Variants in INPP5A observed in about 807,000 individuals in gnomAD.
INPP5A encodes 43 kDa inositol polyphosphate 5-phophatase.
Under a neutral mutation model 65.2 loss-of-function variants are expected in INPP5A, and 14 were observed. That is an observed-to-expected ratio of 0.21 (90% CI 0.14 to 0.34). The LOEUF is 0.34. INPP5A is among the 10% of genes least tolerant of loss of function. The pLI is 1.00. For synonymous variants in INPP5A, 207 were observed against 208.3 expected, an observed-to-expected ratio of 0.99 and a Z score of 0.05; for missense variants, 431 against 545.6, an observed-to-expected ratio of 0.79 and a Z score of 2.09.
chr10:132,715,412 G>A (rs1424886588), intron 8 of INPP5A, among the ~76,000 whole-genome samples: 1 of 152,194 alleles, frequency 6.6e-6, no homozygotes, highest in African/African-American at 2.4e-5. Context: ...TAACTTTTAT[G>A]TCCAGTCAAA....
intron 4 of INPP5A, among the ~76,000 whole-genome samples, chr10:132,681,841 G>T (rs750709441): frequency 2.0e-5 from 3 of 152,202 alleles, no homozygotes; most frequent in Non-Finnish European, 4.4e-5. Context: ...CAGTACCATG[G>T]AATATGACCC....
intron 1 of INPP5A, among the ~76,000 whole-genome samples, chr10:132,595,704 C>A (rs1244847292): frequency 6.6e-6 from 1 of 152,188 alleles, no homozygotes; most frequent in Non-Finnish European, 1.5e-5. Context: ...TCTTTCCTTC[C>A]GTGGACGCCC....
In INPP5A at chr10:132,555,772, A is replaced by T. The variant is rs1319243054; in HGVS notation, c.75+17601A>T. Among the ~76,000 whole-genome samples, 5 of 152,192 alleles carry T rather than the reference A, an allele frequency of 3.3e-5. No homozygotes were observed. On this transcript the variant is annotated intron_variant, in intron 1 of 15. Transcript: ENST00000368594. This position sits in a 1 kb window ranked among gnomAD's most constrained non-coding sequence, Gnocchi z 4.4. ...ACTGACACACCTTGTCACACTCTGC[A>T]GGGTGTTTTGTTGCCCTCAGCACGT... is the stretch of plus-strand genomic sequence containing the variant.
chr10:132,579,194 C>T (rs1208283700), intron 1 of INPP5A, among the ~76,000 whole-genome samples: 7 of 129,230 alleles, frequency 5.4e-5, no homozygotes, highest in South Asian at 2.5e-4. Context: ...TAGCTGGAGG[C>T]GGGGGAAGGA....
intron 1 of INPP5A, among the ~76,000 whole-genome samples, chr10:132,543,982 T>C (rs1374388167): frequency 6.6e-6 from 1 of 152,216 alleles, no homozygotes; most frequent in Non-Finnish European, 1.5e-5. Flanking sequence ...TGCTGTTGGG[T>C]GTGCATAGTC....
At chr10:132,735,865 C>T (rs781725484) in intron 9 of INPP5A, among the ~76,000 whole-genome samples, 1 of 152,194 alleles carries the variant, frequency 6.6e-6, no homozygotes, top group Non-Finnish European at 1.5e-5. Flanking sequence ...TCTCAGACCC[C>T]GAGGTGGAGA....
chr10:132,597,167 G>T (rs535358500), intron 1 of INPP5A, among the ~76,000 whole-genome samples: 1 of 152,330 alleles, frequency 6.6e-6, no homozygotes, highest in East Asian at 1.9e-4. Context: ...GTGTGTGTGC[G>T]CATGTGTGCG....
At chr10:132,588,828 T>C (rs1391402806) in intron 1 of INPP5A, among the ~76,000 whole-genome samples, 1 of 152,134 alleles carries the variant, frequency 6.6e-6, no homozygotes, top group East Asian at 1.9e-4. Context: ...CCATCAGTGG[T>C]CACTGTTTCT....
chr10:132,611,031 G>A (rs895920395), intron 2 of INPP5A, among the ~76,000 whole-genome samples: 2 of 150,966 alleles, frequency 1.3e-5, no homozygotes, highest in South Asian at 2.1e-4. Context: ...GCAGAGGAGA[G>A]GCCCTGTCAG....
intron 1 of INPP5A, among the ~76,000 whole-genome samples, chr10:132,586,876 G>T (rs779497489): frequency 6.6e-6 from 1 of 152,206 alleles, no homozygotes; most frequent in Non-Finnish European, 1.5e-5. Flanking sequence ...AGAAGGCGGC[G>T]CAGCGCGGCG....
In INPP5A at chr10:132,553,870, G is replaced by A. The variant is rs558518697; in HGVS notation, c.75+15699G>A. 3.4e-5 allele frequency among the ~76,000 whole-genome samples: 5 copies of A among 146,618 alleles called. No individual in the cohort carries two copies. In the South Asian group the frequency reaches 8.9e-4, roughly 26 times the overall value. ...TGAATGCCTTCTCAGAGCCTTGGTGGCATATTGGGTAGGATAGGGAGGGAG... is the reference window on the plus strand; with the variant it reads ...TGAATGCCTTCTCAGAGCCTTGGTGACATATTGGGTAGGATAGGGAGGGAG... On this transcript the variant is annotated intron_variant, in intron 1 of 15. Transcript: ENST00000368594.
At chr10:132,557,028 T>C (rs2133262625) in intron 1 of INPP5A, among the ~76,000 whole-genome samples, 2 of 152,376 alleles carry the variant, frequency 1.3e-5, no homozygotes, top group East Asian at 1.9e-4. Context: ...TGAGTCTCAT[T>C]GTACGCACAT....
chr10:132,565,285 C>A (rs970197092), intron 1 of INPP5A, among the ~76,000 whole-genome samples: 5 of 152,126 alleles, frequency 3.3e-5, no homozygotes, highest in African/African-American at 1.2e-4. Context: ...AGTTTTAAGT[C>A]TGACCCTAAA....
At chr10:132,749,302 C>T (rs41306934) in intron 9 of INPP5A, among the ~76,000 whole-genome samples, 241 of 149,702 alleles carry the variant, frequency 1.6e-3, no homozygotes, top group African/African-American at 3.6e-3. Flanking sequence ...GTTGCAGCCA[C>T]GCTTTGTTGG....
chr10:132,700,936 C>G (rs1845426815), intron 6 of INPP5A, among the ~76,000 whole-genome samples: 1 of 152,172 alleles, frequency 6.6e-6, no homozygotes, highest in Non-Finnish European at 1.5e-5. Flanking sequence ...TTTTAAAACG[C>G]AGATTTGTGT....
chr10:132,730,849 GGCA>G (rs1157657229), intron 9 of INPP5A, among the ~76,000 whole-genome samples: 1 of 152,168 alleles, frequency 6.6e-6, no homozygotes, highest in Non-Finnish European at 1.5e-5. Context: ...AAGCACCGAG[GGCA>G]GCCCAGGAAC....
At chr10:132,769,812 A>G (rs901505748) in intron 12 of INPP5A, among the ~76,000 whole-genome samples, 5 of 136,850 alleles carry the variant, frequency 3.7e-5, no homozygotes, top group Admixed American at 2.8e-4. Context: ...CCCCCCCCCA[A>G]GTTCCTGATA....
chr10:132,550,349 G>A lies in INPP5A; in HGVS notation c.75+12178G>A, dbSNP rs1011143838. 3.3e-5 allele frequency among the ~76,000 whole-genome samples: 5 copies of A among 152,172 alleles called. No homozygotes were observed. Among genetic ancestry groups the A allele is most frequent in the African/African-American group, 4.8e-5 (2 of 41,442 alleles). On this transcript the variant is annotated intron_variant, in intron 1 of 15. Coordinates refer to ENST00000368594, the MANE Select transcript of INPP5A (RefSeq NM_005539.5). The surrounding 1 kb of genome is among the most constrained non-coding windows in gnomAD (Gnocchi z 4.2). ...GTAGTCCCTGTCCTCTCCAGCGACC[G>A]CTCTCTCCTGGGTGTCAGTGGTTTT...
intron 11 of INPP5A, 135 bp downstream of exon 11, chr10:132,749,980 C>A: frequency 1.2e-6 from 1 of 822,472 alleles, no homozygotes; most frequent in Non-Finnish European, 2.0e-6. Context: ...TGAGCCAGTG[C>A]AAGTCAGACT....
Sources: gnomAD v4.1 joint callset for allele counts (sites outside exome capture counted in the v4.1 genomes callset) on GRCh38, gnomAD v4.1.1 for gene constraint, Gnocchi (gnomAD v3.1) non-coding constraint, MANE v1.5 for transcripts, NCBI Gene and HGNC (gene_info 2026-07-23, HGNC 2026-07-21) for gene names.